CACNA2D4: variants seen among roughly 807,000 people sequenced by gnomAD.
CACNA2D4 encodes voltage-dependent calcium channel subunit alpha-2/delta-4.
In CACNA2D4, 157 loss-of-function variants were observed where a neutral mutation model predicts 163.8. That is an observed-to-expected ratio of 0.96 (90% CI 0.84 to 1.09). CACNA2D4 has a LOEUF of 1.09. Ranked by LOEUF, CACNA2D4 falls within the 50% of genes least tolerant of loss-of-function variation. The probability of loss-of-function intolerance (pLI) is 0.00; values close to 1 mark genes in which losing one functional copy is unlikely to be tolerated. For synonymous variants in CACNA2D4, 598 were observed against 586.9 expected, an observed-to-expected ratio of 1.02 and a Z score of -0.27; for missense variants, 1,410 against 1,479.9, an observed-to-expected ratio of 0.95 and a Z score of 0.78.
chr12:1,901,929 C>A lies in CACNA2D4; in HGVS notation c.781+5511G>T, dbSNP rs150874306. ...ACCAACCAAACAAAAAACCTACAGG[C>A]TAATATCCCTGAAGAGCACTGATGC... On this transcript the variant is annotated intron_variant, in intron 6 of 37. Transcript: ENST00000382722. Among the ~76,000 whole-genome samples the A allele has an allele frequency of 9.3e-4, 141 of 152,120 alleles. 2 individuals carry two copies. In the East Asian group the frequency reaches 0.021, roughly 23 times the overall value.
At chr12:1,809,467 C>T (rs970366422) in intron 29 of CACNA2D4, 15 of 692,788 alleles carry the variant, frequency 2.2e-5, no homozygotes, top group African/African-American at 8.9e-5. Flanking sequence ...AGGCAGGAGG[C>T]GGTTCTGATG....
intron 6 of CACNA2D4, among the ~76,000 whole-genome samples, chr12:1,902,711 G>A (rs985758250): frequency 6.6e-6 from 1 of 151,932 alleles, no homozygotes; most frequent in African/African-American, 2.4e-5. Context: ...GTGAGAAATT[G>A]AAGATGACAC....
At chr12:1,862,025 C>G (rs532664489) in intron 18 of CACNA2D4, among the ~76,000 whole-genome samples, 2 of 152,178 alleles carry the variant, frequency 1.3e-5, no homozygotes, top group Admixed American at 6.5e-5. Flanking sequence ...ATGTTTTCAG[C>G]GTCCGTCTAT....
chr12:1,796,828 G>T (rs1041911996), intron 35 of CACNA2D4, among the ~76,000 whole-genome samples: 2 of 152,204 alleles, frequency 1.3e-5, no homozygotes, highest in East Asian at 1.9e-4. Flanking sequence ...GGTGCGGGGG[G>T]TCAGCAGGAG....
chr12:1,800,813 G>A (rs2286378), intron 31 of CACNA2D4: 458,957 of 596,468 alleles, frequency 0.77, 178,229 homozygotes, highest in Non-Finnish European at 0.79. Flanking sequence ...AGGCACTGTT[G>A]TGTCACAACT....
intron 26 of CACNA2D4, among the ~76,000 whole-genome samples, chr12:1,840,422 G>A (rs1864989599): frequency 1.0e-5 from 1 of 98,230 alleles, no homozygotes; most frequent in African/African-American, 4.2e-5. Flanking sequence ...CTTGCATACG[G>A]TAAATATATT....
Position 1,913,085 on chromosome 12 carries a change from G to T in CACNA2D4, c.364C>A (p.Leu122Met), listed in dbSNP as rs1487198511. The T allele has an allele frequency of 6.2e-7, 1 of 1,613,754 alleles. No individual in the cohort carries two copies. The highest frequency in any genetic ancestry group is 2.2e-5 in the East Asian group (1 of 44,876). Residue 122 changes from leucine to methionine, a missense_variant, in exon 3 of 38, where the codon CTG becomes ATG. Coordinates refer to ENST00000382722, the MANE Select transcript of CACNA2D4 (RefSeq NM_172364.5). ...LKIEEVDGLE[L>M]VRKFSEDMEN... ...ATGTCCTCTGAGAACTTCCTCACCA[G>T]CTCCAAGCCATCCACCTCCTCGATC...
At chr12:1,851,651 T>TTGTGTGTG (rs71055202) in intron 23 of CACNA2D4, among the ~76,000 whole-genome samples, 2,898 of 118,392 alleles carry the variant, frequency 0.024, 75 homozygotes, top group East Asian at 0.039. Flanking sequence ...TGGTGTGTGT[T>TTGTGTGTG]TGTGTGTGTG....
Position 1,875,235 on chromosome 12 carries a change from T to A in CACNA2D4, c.1806+16A>T, listed in dbSNP as rs747199815. 1 of 1,583,716 alleles carries A rather than the reference T, an allele frequency of 6.3e-7. No individual in the cohort carries two copies. The highest frequency in any genetic ancestry group is 8.7e-7 in the Non-Finnish European group (1 of 1,152,588). ...GAGCCTAACTAGCTTCCCTTCCCCC[T>A]ATTTTCCCCACTCACAGATTCAGCC... is the stretch of plus-strand genomic sequence containing the variant. On this transcript the variant is annotated intron_variant, in intron 17 of 37. Coordinates refer to ENST00000382722, the MANE Select transcript of CACNA2D4 (RefSeq NM_172364.5). The surrounding 1 kb of genome is among the most constrained non-coding windows in gnomAD (Gnocchi z 4.0).
chr12:1,863,209 G>A (rs987412345), intron 18 of CACNA2D4, among the ~76,000 whole-genome samples: 1 of 152,174 alleles, frequency 6.6e-6, no homozygotes, highest in Non-Finnish European at 1.5e-5. Context: ...GACACTCCAA[G>A]GTGTCTTGAT....
At chr12:1,846,820 G>A in intron 23 of CACNA2D4, 131 bp from the exon 24 acceptor site, 2 of 758,252 alleles carry the variant, frequency 2.6e-6, no homozygotes, top group East Asian at 2.7e-5. Flanking sequence ...CAGGAAGGCT[G>A]GGTTCCTGGG....
At chr12:1,889,086 G>A (rs1424775715) in intron 6 of CACNA2D4, among the ~76,000 whole-genome samples, 1 of 152,232 alleles carries the variant, frequency 6.6e-6, no homozygotes, top group Non-Finnish European at 1.5e-5. Flanking sequence ...GTTTTAAGAT[G>A]TTGAGAGAAT....
Position 1,793,409 on chromosome 12 carries a change from T to G in CACNA2D4, c.*246A>C, listed in dbSNP as rs1341983280. On this transcript the variant is annotated 3_prime_UTR_variant, in exon 38 of 38. Coordinates refer to ENST00000382722, the MANE Select transcript of CACNA2D4 (RefSeq NM_172364.5). ...AGACAGGAAGGTTAGGTCAGAAGTA[T>G]GCTCATGTTGAGACCTAGGGCAGAT... 5 of 579,430 alleles carry G rather than the reference T, an allele frequency of 8.6e-6. No individual in the cohort carries two copies. The highest frequency in any genetic ancestry group is 3.0e-5 in the Admixed American group (1 of 33,778). 35.9% of individuals were successfully genotyped at this position (579,430 alleles called of 1,614,324 possible).
intron 3 of CACNA2D4, among the ~76,000 whole-genome samples, chr12:1,912,086 T>C (rs955320072): frequency 4.6e-5 from 7 of 152,134 alleles, no homozygotes; most frequent in Non-Finnish European, 7.4e-5. Flanking sequence ...GGGGTTGTGA[T>C]GGGGGTGGGG....
chr12:1,896,931 TG>T (rs1866422154), intron 6 of CACNA2D4, among the ~76,000 whole-genome samples: 2 of 152,170 alleles, frequency 1.3e-5, no homozygotes, highest in South Asian at 4.1e-4. Flanking sequence ...AAAGGAGATG[TG>T]GTATATACAC....
Position 1,799,798 on chromosome 12 carries a change from G to A in CACNA2D4, c.2975-103C>T. 1 of 1,429,818 alleles carries A rather than the reference G, an allele frequency of 7.0e-7. No individual in the cohort carries two copies. The highest frequency in any genetic ancestry group is 9.6e-7 in the Non-Finnish European group (1 of 1,037,942). 88.6% of individuals were successfully genotyped at this position (1,429,818 alleles called of 1,614,324 possible). A position where few individuals can be genotyped will look rare whatever the true frequency, so the allele number is the denominator to read the frequency against. On this transcript the variant is annotated intron_variant, in intron 33 of 37. Transcript: ENST00000382722. The surrounding 1 kb of genome is among the most constrained non-coding windows in gnomAD (Gnocchi z 4.7). ...GGGTGGTGATGATGGCACATGGAGT[G>A]GCGGTGTCCCAAGATGATGTCACAC... is the stretch of plus-strand genomic sequence containing the variant.
chr12:1,846,509 A>C (rs533784765), intron 24 of CACNA2D4, 85 bp downstream of exon 24: 8 of 1,112,312 alleles, frequency 7.2e-6, no homozygotes, highest in Non-Finnish European at 9.1e-6. Context: ...GTGCCAGTCC[A>C]CCCATGGCCC....
At position 1,878,476 on chromosome 12, in the gene CACNA2D4, G is replaced by A. The variant is rs1231473173; in HGVS notation, c.1645-87C>T. 12 of 1,549,634 alleles carry A rather than the reference G, an allele frequency of 7.7e-6. No individual in the cohort carries two copies. The highest frequency in any genetic ancestry group is 8.7e-6 in the Non-Finnish European group (10 of 1,147,174). ...GGCAGGGGTTTGGGGGCCACAGGACGGTCAAAGATGGCAGCTCACAGCAGT... is the reference window on the plus strand; with the variant it reads ...GGCAGGGGTTTGGGGGCCACAGGACAGTCAAAGATGGCAGCTCACAGCAGT... On this transcript the variant is annotated intron_variant, in intron 15 of 37. Coordinates refer to ENST00000382722, the MANE Select transcript of CACNA2D4 (RefSeq NM_172364.5). This position sits in a 1 kb window ranked among gnomAD's most constrained non-coding sequence, Gnocchi z 4.6.
rs954335561 is a variant in CACNA2D4, at chr12:1,829,398, G to A, written c.2551+11341C>T. 6.6e-6 allele frequency among the ~76,000 whole-genome samples: 1 copy of A among 152,130 alleles called. No homozygotes were observed. Among genetic ancestry groups the A allele is most frequent in the Admixed American group, 6.5e-5 (1 of 15,280 alleles). ...GTAGCAGACGGGCTCAGAGGGGTGA[G>A]AGGGTGAGCGGAGACATGAGGTAAC... On this transcript the variant is annotated intron_variant, in intron 26 of 37. Transcript: ENST00000382722. The surrounding 1 kb of genome is among the most constrained non-coding windows in gnomAD (Gnocchi z 4.2).
Sources: gnomAD v4.1 joint callset for allele counts (sites outside exome capture counted in the v4.1 genomes callset) on GRCh38, gnomAD v4.1.1 for gene constraint, Gnocchi (gnomAD v3.1) non-coding constraint, MANE v1.5 for transcripts, NCBI Gene and HGNC (gene_info 2026-07-23, HGNC 2026-07-21) for gene names.